The following ADK variants were observed in gnomAD, a reference collection of about 807,000 sequenced individuals.
ADK encodes the protein adenosine kinase.
A neutral mutation model predicts 44.7 loss-of-function variants in ADK; 24 were observed. The ratio of observed to expected loss-of-function variants is 0.54; its 90% CI spans 0.39 to 0.76. The LOEUF is 0.76. Among genes scored for constraint, ADK ranks in the 30% least tolerant of loss-of-function variants. The pLI is 0.00. For missense variants in ADK, 321 were observed against 425.1 expected (o/e 0.76, Z 2.15); for synonymous variants, 128 against 142.6 (o/e 0.90, Z 0.73).
At chr10:74,523,189 A>ATAG (rs1848908833) in intron 6 of ADK, among the ~76,000 whole-genome samples, 1 of 152,214 alleles carries the variant, frequency 6.6e-6, no homozygotes, top group Admixed American at 6.5e-5. Context: ...GAGTTGCTGT[A>ATAG]TAGTATAGTG....
intron 6 of ADK, 65 bp from the exon 7 acceptor site, chr10:74,525,191 T>A: frequency 6.7e-7 from 1 of 1,490,432 alleles, no homozygotes; most frequent in East Asian, 2.3e-5. Context: ...AGGTTTCTTT[T>A]ATTCTCACTG....
intron 4 of ADK, among the ~76,000 whole-genome samples, chr10:74,342,583 C>T (rs1841615946): frequency 3.9e-5 from 6 of 152,166 alleles, no homozygotes; most frequent in Admixed American, 3.9e-4. Flanking sequence ...CCTGATTCTC[C>T]TCCCTCAGCC....
At position 74,549,247 on chromosome 10, in the gene ADK, C is replaced by A. The variant is rs374138371; in HGVS notation, c.726+23821C>A. Among the ~76,000 whole-genome samples, 6 of 152,118 alleles carry A rather than the reference C, an allele frequency of 3.9e-5. No homozygotes were observed. The East Asian group carries it at 1.2e-3, about 29-fold the overall frequency. On this transcript the variant is annotated intron_variant, in intron 7 of 10. Transcript: ENST00000539909. Reference sequence around the variant, plus strand: ...CAGTGAGGGGGTATTCTTGAAAGAACCTGATCAAGATAAATGTACATGGTG... The same window carrying A: ...CAGTGAGGGGGTATTCTTGAAAGAAACTGATCAAGATAAATGTACATGGTG...
At chr10:74,679,056 T>TA (rs1336342559) in intron 10 of ADK, among the ~76,000 whole-genome samples, 1 of 152,238 alleles carries the variant, frequency 6.6e-6, no homozygotes, top group Admixed American at 6.5e-5. Flanking sequence ...CCTCTGGCCT[T>TA]AGAGTGTTGA....
intron 8 of ADK, among the ~76,000 whole-genome samples, chr10:74,598,477 G>A (rs550546324): frequency 3.4e-4 from 42 of 122,248 alleles, no homozygotes; most frequent in African/African-American, 1.2e-3. Flanking sequence ...TTGAGATGGC[G>A]TCTTGCTCTG....
chr10:74,290,722 T>A (rs1461530988), intron 3 of ADK, among the ~76,000 whole-genome samples: 2 of 152,202 alleles, frequency 1.3e-5, no homozygotes. Context: ...TAGGAACTAA[T>A]TGTGTTACTT....
rs113318057 is a variant in ADK at position 74,394,258 on chromosome 10, G to T, written c.391G>T (p.Glu131Ter). 2 of 1,613,996 alleles carry T rather than the reference G, an allele frequency of 1.2e-6. No homozygotes were observed. The highest frequency in any genetic ancestry group is 1.7e-6 in the Non-Finnish European group (2 of 1,179,922). Residue 131 changes from glutamate to a stop codon, truncating the protein, a stop_gained, in exon 5 of 11, where the codon GAG becomes TAG. Transcript: ENST00000539909. LOFTEE classifies it high-confidence loss of function. ...AGCCCATGTGGATGCTCATTACTAC[G>T]AGCAGAATGAGCAGCCAACAGGAAC... ...AEAHVDAHYY[E>*]QNEQPTGTCA...
At chr10:74,659,335 A>T (rs1854609187) in intron 9 of ADK, among the ~76,000 whole-genome samples, 1 of 152,222 alleles carries the variant, frequency 6.6e-6, no homozygotes, top group African/African-American at 2.4e-5. Flanking sequence ...CTATTTTTGT[A>T]TTCAAAGTCA....
intron 3 of ADK, among the ~76,000 whole-genome samples, chr10:74,288,092 A>G (rs749049359): frequency 1.3e-5 from 2 of 152,164 alleles, no homozygotes; most frequent in Non-Finnish European, 2.9e-5. Context: ...GGGCAAAGAC[A>G]GTATGGCTCT....
chr10:74,196,878 A>G (rs1226608504), intron 1 of ADK, among the ~76,000 whole-genome samples: 2 of 152,174 alleles, frequency 1.3e-5, no homozygotes, highest in African/African-American at 4.8e-5. Flanking sequence ...GTTTCAGGTA[A>G]AGCTTTATTA....
At chr10:74,402,885 A>T (rs903185136) in intron 6 of ADK, among the ~76,000 whole-genome samples, 1 of 152,008 alleles carries the variant, frequency 6.6e-6, no homozygotes, top group Non-Finnish European at 1.5e-5. Flanking sequence ...TTGTGGTTTT[A>T]TCTACTTTGG....
intron 6 of ADK, among the ~76,000 whole-genome samples, chr10:74,413,908 T>C (rs1164056455): frequency 4.6e-5 from 7 of 152,188 alleles, no homozygotes; most frequent in African/African-American, 1.7e-4. Flanking sequence ...AATGTCACTA[T>C]TGTTGTGTCT....
chr10:74,193,601 A>C (rs553402163), intron 1 of ADK, among the ~76,000 whole-genome samples: 6 of 152,206 alleles, frequency 3.9e-5, no homozygotes, highest in African/African-American at 1.4e-4. Context: ...CCTGGGCAAC[A>C]GAGGGAGACC....
At chr10:74,220,718 C>T (rs577488527) in intron 2 of ADK, among the ~76,000 whole-genome samples, 17 of 152,226 alleles carry the variant, frequency 1.1e-4, no homozygotes, top group East Asian at 5.8e-4. Context: ...GTTCAACATA[C>T]GCAAATCAAT....
At chr10:74,602,949 C>T (rs943866064) in intron 9 of ADK, among the ~76,000 whole-genome samples, 1 of 152,122 alleles carries the variant, frequency 6.6e-6, no homozygotes, top group Non-Finnish European at 1.5e-5. Flanking sequence ...ATTTGTAATT[C>T]GTTCTCATGT....
At chr10:74,699,525 A>G (rs1856340403) in intron 10 of ADK, among the ~76,000 whole-genome samples, 1 of 152,082 alleles carries the variant, frequency 6.6e-6, no homozygotes, top group Non-Finnish European at 1.5e-5. Context: ...GAAAATACAA[A>G]AACTAGCTGG....
At chr10:74,420,263 G>A (rs966969573) in intron 6 of ADK, among the ~76,000 whole-genome samples, 1 of 152,088 alleles carries the variant, frequency 6.6e-6, no homozygotes, top group Non-Finnish European at 1.5e-5. Context: ...GGGTCAGGAA[G>A]GGGAAAGAGG....
Position 74,471,242 on chromosome 10 carries a change from T to C in ADK, c.556-54014T>C, listed in dbSNP as rs150279005. On this transcript the variant is annotated intron_variant, in intron 6 of 10. Coordinates refer to ENST00000539909, the MANE Select transcript of ADK (RefSeq NM_006721.4). Reference sequence around the variant, plus strand: ...AGCACCTGCCACCACGCCTGGCTAATTTTTTCAGTTTTTAGTAGAGACTGG... The same window carrying C: ...AGCACCTGCCACCACGCCTGGCTAACTTTTTCAGTTTTTAGTAGAGACTGG... Among the ~76,000 whole-genome samples the C allele has an allele frequency of 1.2e-4, 18 of 152,198 alleles. No individual in the cohort carries two copies. In the East Asian group the frequency reaches 3.5e-3, roughly 29 times the overall value.
At chr10:74,571,152 T>G (rs560489003) in intron 7 of ADK, among the ~76,000 whole-genome samples, 1 of 152,316 alleles carries the variant, frequency 6.6e-6, no homozygotes, top group South Asian at 2.1e-4. Flanking sequence ...TTGATCATGG[T>G]GGATAAGCTT....
Sources: gnomAD v4.1 joint callset for allele counts (sites outside exome capture counted in the v4.1 genomes callset) on GRCh38, gnomAD v4.1.1 for gene constraint, MANE v1.5 for transcripts, NCBI Gene and HGNC (gene_info 2026-07-23, HGNC 2026-07-21) for gene names.